Variants in DPYD observed in about 807,000 individuals in gnomAD.
DPYD encodes the protein dihydropyrimidine dehydrogenase.
A neutral mutation model predicts 116.2 loss-of-function variants in DPYD; 109 were observed. That is an observed-to-expected ratio of 0.94 (90% confidence interval 0.80 to 1.10). DPYD has a LOEUF of 1.10. Among genes scored for constraint, DPYD ranks in the 50% least tolerant of loss-of-function variants. The pLI is 0.00. For missense variants in DPYD, 1,302 were observed against 1,254.5 expected, an observed-to-expected ratio of 1.04 and a Z score of -0.57; for synonymous variants, 440 against 432.0, an observed-to-expected ratio of 1.02 and a Z score of -0.23.
chr1:97,232,417 C>T (rs181369201), intron 19 of DPYD, among the ~76,000 whole-genome samples: 8 of 152,084 alleles, frequency 5.3e-5, no homozygotes, highest in Non-Finnish European at 1.0e-4. Context: ...TCTACCTTGA[C>T]CTCTTGAATC....
intron 13 of DPYD, among the ~76,000 whole-genome samples, chr1:97,498,442 T>C (rs1437580797): frequency 6.6e-6 from 1 of 151,684 alleles, no homozygotes. Flanking sequence ...AGAAACTGTC[T>C]TTACACTAAA....
rs141623600 is a variant in DPYD, at chr1:97,563,556, A to T, written c.1339+10204T>A. On this transcript the variant is annotated intron_variant, in intron 11 of 22. Transcript: ENST00000370192. ...TCTTCAATTTGATGGAAAACTACTG[A>T]TTTATCCACTGTCTCCCTGTAAGAA... 1.9e-3 allele frequency among the ~76,000 whole-genome samples: 290 copies of T among 152,280 alleles called. 2 individuals are homozygous for T. The highest frequency in any genetic ancestry group is 6.4e-3 in the African/African-American group (268 of 41,562).
At chr1:97,749,333 G>T (rs1016066910) in intron 3 of DPYD, among the ~76,000 whole-genome samples, 1 of 152,158 alleles carries the variant, frequency 6.6e-6, no homozygotes, top group African/African-American at 2.4e-5. Flanking sequence ...AAGGATAGTA[G>T]ATATCTGACA....
intron 8 of DPYD, among the ~76,000 whole-genome samples, chr1:97,669,108 A>C (rs561911671): frequency 2.0e-5 from 3 of 152,248 alleles, no homozygotes; most frequent in Non-Finnish European, 1.5e-5. Context: ...GTGGGTGTGA[A>C]CAGAGCCTCT....
chr1:97,619,917 C>T (rs1348162921), intron 8 of DPYD, among the ~76,000 whole-genome samples: 1 of 151,772 alleles, frequency 6.6e-6, no homozygotes, highest in Admixed American at 6.6e-5. Flanking sequence ...AAATCAAATT[C>T]AAACATCTGT....
intron 22 of DPYD, among the ~76,000 whole-genome samples, chr1:97,079,823 G>T (rs913862781): frequency 6.6e-6 from 1 of 151,926 alleles, no homozygotes; most frequent in Non-Finnish European, 1.5e-5. Flanking sequence ...AACGGCTTAG[G>T]ATTTTGAGAA....
chr1:97,128,532 T>G (rs1653025325), intron 20 of DPYD, among the ~76,000 whole-genome samples: 1 of 152,192 alleles, frequency 6.6e-6, no homozygotes, highest in African/African-American at 2.4e-5. Flanking sequence ...TTCAAATATA[T>G]CTATAAAACT....
intron 18 of DPYD, among the ~76,000 whole-genome samples, chr1:97,302,159 A>G (rs79140353): frequency 0.02 from 3,034 of 152,046 alleles, 57 homozygotes; most frequent in Non-Finnish European, 0.03. Flanking sequence ...ATTCTAGAAA[A>G]AGGAAAGGTC....
At chr1:97,477,028 T>C (rs1370632212) in intron 13 of DPYD, among the ~76,000 whole-genome samples, 1 of 152,214 alleles carries the variant, frequency 6.6e-6, no homozygotes, top group Admixed American at 6.5e-5. Context: ...GGCTTTGATG[T>C]TGCTGGCTGC....
At chr1:97,853,695 A>T (rs1004091592) in intron 2 of DPYD, among the ~76,000 whole-genome samples, 1 of 152,226 alleles carries the variant, frequency 6.6e-6, no homozygotes, top group Non-Finnish European at 1.5e-5. Flanking sequence ...CACTTTTACT[A>T]GGAAGTAGAC....
At chr1:97,184,102 C>A (rs909319198) in intron 20 of DPYD, among the ~76,000 whole-genome samples, 2 of 152,020 alleles carry the variant, frequency 1.3e-5, no homozygotes, top group South Asian at 2.1e-4. Context: ...CATCTCGTTC[C>A]TTTTTATGGT....
At chr1:97,913,444 TC>T (rs1347770396) in intron 1 of DPYD, among the ~76,000 whole-genome samples, 1 of 152,048 alleles carries the variant, frequency 6.6e-6, no homozygotes, top group African/African-American at 2.4e-5. Flanking sequence ...TCACTGAAGA[TC>T]AGAAAACTCT....
At chr1:97,920,789 CG>C in intron 1 of DPYD, 94 bp downstream of exon 1, 1 of 1,502,496 alleles carries the variant, frequency 6.7e-7, no homozygotes. Context: ...TCTCACTCTC[CG>C]GGGTGCGGGG....
chr1:97,665,200 A>G (rs1659492885), intron 8 of DPYD, among the ~76,000 whole-genome samples: 1 of 152,192 alleles, frequency 6.6e-6, no homozygotes, highest in Non-Finnish European at 1.5e-5. Context: ...TCTACAGTCA[A>G]CAGGAGAGGA....
chr1:97,170,176 G>T (rs1656620798), intron 20 of DPYD, among the ~76,000 whole-genome samples: 1 of 152,158 alleles, frequency 6.6e-6, no homozygotes, highest in African/African-American at 2.4e-5. Flanking sequence ...GTCCTCTGCA[G>T]AACTGCATAC....
rs537214431 is a variant in DPYD, at chr1:97,725,590, G to A, written c.322-3919C>T. Among the ~76,000 whole-genome samples the A allele has an allele frequency of 6.6e-5, 10 of 151,610 alleles. 1 individual carries two copies. The South Asian group carries it at 2.1e-3, about 31-fold the overall frequency. ...TCAAGATAGTATGGTACTGACATGA[G>A]GATAAGCATGTAGATCAATGTGATA... On this transcript the variant is annotated intron_variant, in intron 4 of 22. Transcript: ENST00000370192.
chr1:97,194,627 C>G (rs997453840), intron 19 of DPYD, among the ~76,000 whole-genome samples: 3 of 151,982 alleles, frequency 2.0e-5, no homozygotes, highest in Non-Finnish European at 4.4e-5. Context: ...GCCTCTGCCT[C>G]TCGAGTAGCT....
At chr1:97,859,055 C>T (rs920637540) in intron 2 of DPYD, among the ~76,000 whole-genome samples, 2 of 151,978 alleles carry the variant, frequency 1.3e-5, no homozygotes, top group Admixed American at 1.3e-4. Flanking sequence ...TTGATAATTT[C>T]CCTCCTTTTT....
intron 8 of DPYD, among the ~76,000 whole-genome samples, chr1:97,675,884 G>C (rs1336110434): frequency 4.0e-5 from 6 of 151,848 alleles, no homozygotes; most frequent in Non-Finnish European, 8.8e-5. Flanking sequence ...AAGTAGCTGG[G>C]ATTACAGGTG....
Sources: gnomAD v4.1 joint callset for allele counts (sites outside exome capture counted in the v4.1 genomes callset) on GRCh38, gnomAD v4.1.1 for gene constraint, MANE v1.5 for transcripts, NCBI Gene and HGNC (gene_info 2026-07-23, HGNC 2026-07-21) for gene names.